The following DGKZ variants were observed in gnomAD, a reference collection of about 807,000 sequenced individuals.
DGKZ encodes the protein DAG kinase zeta.
In DGKZ, 45 loss-of-function variants were observed where a neutral mutation model predicts 142.5. The ratio of observed to expected loss-of-function variants is 0.32; its 90% CI spans 0.25 to 0.40. DGKZ has a LOEUF of 0.40. Ranked by LOEUF, DGKZ falls within the 10% of genes least tolerant of loss-of-function variation. DGKZ has a pLI of 1.00. For synonymous variants in DGKZ, 442 were observed against 527.0 expected (o/e 0.84, Z 2.21); for missense variants, 755 against 1,306.5 (o/e 0.58, Z 6.51).
At chr11:46,354,841 T>C (rs539791627) in intron 1 of DGKZ, among the ~76,000 whole-genome samples, 6 of 152,258 alleles carry the variant, frequency 3.9e-5, no homozygotes, top group Non-Finnish European at 8.8e-5. Flanking sequence ...CAATATTGTT[T>C]TGGAGATTTA....
Position 46,347,796 on chromosome 11 carries a change from CG to C in DGKZ, c.141del (p.Leu48CysfsTer71). The C allele has an allele frequency of 7.4e-7, 1 of 1,343,510 alleles. No homozygotes were observed. Among genetic ancestry groups the C allele is most frequent in the Non-Finnish European group, 9.6e-7 (1 of 1,044,328 alleles). 83.2% of individuals were successfully genotyped at this position (1,343,510 alleles called of 1,614,324 possible). The stretch of plus-strand genomic sequence containing the variant: ...CGGCGACTCAACAAGCGGCGCTTCC[CG>C]GGGCTGCGGCTCTTCGGGCACAGGT... On this transcript the variant is annotated frameshift_variant, in exon 1 of 31. Transcript: ENST00000527911. LOFTEE classifies it high-confidence loss of function. This position sits in a 1 kb window ranked among gnomAD's most constrained non-coding sequence, Gnocchi z 6.4.
At chr11:46,366,522 A>T in intron 1 of DGKZ, 7 of 1,594,504 alleles carry the variant, frequency 4.4e-6, no homozygotes, top group Non-Finnish European at 6.0e-6. Flanking sequence ...TTCATCGTGG[A>T]TAAGGTGCTC....
At chr11:46,339,155 C>T (rs1418276003) in intron 1 of DGKZ, among the ~76,000 whole-genome samples, 6 of 152,236 alleles carry the variant, frequency 3.9e-5, no homozygotes, top group Admixed American at 3.9e-4. Flanking sequence ...CTGCCGTGGG[C>T]ACGCTGCTGC....
At chr11:46,378,888 T>C in intron 27 of DGKZ, 103 bp from the exon 28 acceptor site, 1 of 1,464,712 alleles carries the variant, frequency 6.8e-7, no homozygotes. Flanking sequence ...AGCGCACTCG[T>C]TTCAGGCCTG....
At chr11:46,366,409 C>T in intron 1 of DGKZ, 1 of 1,531,642 alleles carries the variant, frequency 6.5e-7, no homozygotes, top group Non-Finnish European at 8.8e-7. Flanking sequence ...AGCGGCGCCG[C>T]TCCAGCGCCC....
exon 1 of DGKZ, chr11:46,332,956 A>T: frequency 3.9e-6 from 1 of 253,652 alleles, no homozygotes; most frequent in Non-Finnish European, 7.4e-6. Context: ...CGGCGGTTGC[A>T]GGAGCTCGCT....
intron 1 of DGKZ, among the ~76,000 whole-genome samples, chr11:46,340,974 C>G (rs533999430): frequency 6.6e-6 from 1 of 152,230 alleles, no homozygotes. Flanking sequence ...CATGGCGAAA[C>G]CCTGTCTCTA....
rs1033212406 is a variant in DGKZ, at chr11:46,347,896, C to T, written c.161+76C>T. On this transcript the variant is annotated intron_variant, in intron 1 of 30. Transcript: ENST00000527911. This position sits in a 1 kb window ranked among gnomAD's most constrained non-coding sequence, Gnocchi z 6.4. ...TCCCTCACCGGGGGACATTCCTCGG[C>T]CACTGGGGGTCCGGGCCACTTCGGT... The T allele has an allele frequency of 7.9e-7, 1 of 1,264,558 alleles. No individual in the cohort carries two copies. The allele number at this position is 1,264,558 out of a possible 1,614,324, so 78.3% of individuals were successfully genotyped here.
At chr11:46,336,111 C>T (rs1209981233) in intron 1 of DGKZ, among the ~76,000 whole-genome samples, 2 of 152,218 alleles carry the variant, frequency 1.3e-5, no homozygotes, top group South Asian at 2.1e-4. Context: ...GGAGTGGAAG[C>T]GGAAGCGGGC....
intron 1 of DGKZ, among the ~76,000 whole-genome samples, chr11:46,339,643 C>T (rs916349011): frequency 1.3e-5 from 2 of 152,220 alleles, no homozygotes; most frequent in Non-Finnish European, 2.9e-5. Flanking sequence ...CCCCCAGTCC[C>T]CGCACCAAGG....
At chr11:46,363,824 G>T (rs907225105) in intron 1 of DGKZ, among the ~76,000 whole-genome samples, 1 of 152,222 alleles carries the variant, frequency 6.6e-6, no homozygotes, top group Non-Finnish European at 1.5e-5. Context: ...CCGGTGCCCT[G>T]ACGGCAGGGG....
At chr11:46,361,517 G>C (rs951076934) in intron 1 of DGKZ, 4 of 558,034 alleles carry the variant, frequency 7.2e-6, no homozygotes, top group East Asian at 1.4e-4. Flanking sequence ...GTTACCAATC[G>C]GGTTATTTTC....
intron 1 of DGKZ, chr11:46,366,062 C>G (rs1485045019): frequency 1.0e-6 from 1 of 985,268 alleles, no homozygotes; most frequent in Non-Finnish European, 1.2e-6. Context: ...ACATGGAGGT[C>G]AGAGGCTGCA....
intron 1 of DGKZ, among the ~76,000 whole-genome samples, chr11:46,348,047 G>A (rs916647849): frequency 6.6e-6 from 1 of 152,172 alleles, no homozygotes; most frequent in African/African-American, 2.4e-5. Flanking sequence ...CTGTCACCGG[G>A]TGGGGGTCAT....
chr11:46,363,149 G>C (rs1942859612), intron 1 of DGKZ, among the ~76,000 whole-genome samples: 1 of 152,248 alleles, frequency 6.6e-6, no homozygotes, highest in Non-Finnish European at 1.5e-5. Context: ...CGCTATGGGA[G>C]AGGCTTAGGC....
At chr11:46,349,098 G>T (rs1941043487) in intron 1 of DGKZ, among the ~76,000 whole-genome samples, 1 of 152,166 alleles carries the variant, frequency 6.6e-6, no homozygotes, top group Non-Finnish European at 1.5e-5. Context: ...TCTCACCCGG[G>T]CTAGGGCCCA....
At chr11:46,365,034 C>G in intron 1 of DGKZ, 1 of 985,450 alleles carries the variant, frequency 1.0e-6, no homozygotes. Flanking sequence ...TGCCCTTCCC[C>G]CACTGTTAGG....
chr11:46,370,166 C>T (rs954396182), intron 6 of DGKZ, among the ~76,000 whole-genome samples, 157 bp downstream of exon 6: 30 of 152,256 alleles, frequency 2.0e-4, no homozygotes, highest in Non-Finnish European at 2.9e-4. Context: ...TCTCAAGCAC[C>T]CTGGCCTGCT....
chr11:46,377,539 C>T (rs1944691214), intron 25 of DGKZ: 2 of 404,770 alleles, frequency 4.9e-6, no homozygotes, highest in Non-Finnish European at 4.4e-6. Context: ...GCCCCCAGCT[C>T]TTATATCCCT....
Sources: gnomAD v4.1 joint callset for allele counts (sites outside exome capture counted in the v4.1 genomes callset) on GRCh38, gnomAD v4.1.1 for gene constraint, Gnocchi (gnomAD v3.1) non-coding constraint, MANE v1.5 for transcripts, NCBI Gene and HGNC (gene_info 2026-07-23, HGNC 2026-07-21) for gene names.